Variants in GRIK3 observed in about 807,000 individuals in gnomAD.
GRIK3 encodes the protein glutamate receptor ionotropic, kainate 3.
A neutral mutation model predicts 102.5 loss-of-function variants in GRIK3; 29 were observed. That is an observed-to-expected ratio of 0.28 (90% confidence interval 0.21 to 0.39). The LOEUF (loss-of-function observed/expected upper bound fraction) is 0.39, where lower values mean the gene tolerates loss of function less well. Among genes scored for constraint, GRIK3 ranks in the 10% least tolerant of loss-of-function variants. The probability of loss-of-function intolerance (pLI) is 1.00; values close to 1 mark genes in which losing one functional copy is unlikely to be tolerated. For missense variants in GRIK3, 908 were observed against 1,252.4 expected (o/e 0.73, Z 4.15); for synonymous variants, 511 against 504.9 (o/e 1.01, Z -0.16).
At chr1:36,929,598 A>G (rs1363016920) in intron 1 of GRIK3, among the ~76,000 whole-genome samples, 1 of 152,164 alleles carries the variant, frequency 6.6e-6, no homozygotes, top group Non-Finnish European at 1.5e-5. Context: ...TCTTTATTTC[A>G]GGGATTTTCT....
Position 37,034,199 on chromosome 1 carries a change from G to A in GRIK3, c.-91C>T, listed in dbSNP as rs1642862406. The A allele has an allele frequency of 3.3e-6, 1 of 305,492 alleles. No individual in the cohort carries two copies. The highest frequency in any genetic ancestry group is 5.7e-6 in the Non-Finnish European group (1 of 174,100). 18.9% of individuals were successfully genotyped at this position (305,492 alleles called of 1,614,324 possible). A position where few individuals can be genotyped will look rare whatever the true frequency, so the allele number is the denominator to read the frequency against. On this transcript the variant is annotated 5_prime_UTR_variant, in exon 1 of 16. Transcript: ENST00000373091. ...GCGCGGGCGCGCAGCAGCCCCGAAG[G>A]CGCCGCCTGGCCCAGCCGCCCGGCT...
chr1:36,938,248 G>A (rs1462827347), intron 1 of GRIK3, among the ~76,000 whole-genome samples: 1 of 152,216 alleles, frequency 6.6e-6, no homozygotes, highest in Non-Finnish European at 1.5e-5. Flanking sequence ...TCCACTGCAG[G>A]TGACTCCAAC....
intron 3 of GRIK3, among the ~76,000 whole-genome samples, chr1:36,879,007 G>A (rs955626532): frequency 6.6e-6 from 1 of 152,144 alleles, no homozygotes. Flanking sequence ...AAGGATGAAG[G>A]CAGGGACCAG....
intron 11 of GRIK3, among the ~76,000 whole-genome samples, chr1:36,824,010 C>T (rs1642725687): frequency 6.6e-6 from 1 of 152,176 alleles, no homozygotes; most frequent in South Asian, 2.1e-4. Flanking sequence ...GACAAGTGCA[C>T]TCTGATGCTC....
At chr1:36,988,972 C>T (rs1046989603) in intron 1 of GRIK3, among the ~76,000 whole-genome samples, 5 of 152,060 alleles carry the variant, frequency 3.3e-5, no homozygotes, top group Non-Finnish European at 5.9e-5. Flanking sequence ...GAGGGGGCGG[C>T]GGGGAAAGGA....
intron 9 of GRIK3, 113 bp from the exon 10 acceptor site, chr1:36,842,052 G>T: frequency 1.2e-6 from 1 of 867,100 alleles, no homozygotes; most frequent in Non-Finnish European, 1.9e-6. Flanking sequence ...AAACCCCTTG[G>T]AGTGGCTTAG....
rs113378093 is a variant in GRIK3, at chr1:36,905,580, G to A, written c.116-14484C>T. Among the ~76,000 whole-genome samples, 638 of 151,554 alleles carry A rather than the reference G, an allele frequency of 4.2e-3. 5 individuals are homozygous for A. The highest frequency in any genetic ancestry group is 0.015 in the African/African-American group (616 of 41,378). On this transcript the variant is annotated intron_variant, in intron 1 of 15. Coordinates refer to ENST00000373091, the MANE Select transcript of GRIK3 (RefSeq NM_000831.4). The stretch of plus-strand genomic sequence containing the variant: ...TTTCATCCTCTCCCTGCTCCCCAAT[G>A]CTACAAAATAATATTACAGTATGAT...
intron 1 of GRIK3, among the ~76,000 whole-genome samples, chr1:36,925,460 T>C (rs1641517484): frequency 6.6e-6 from 1 of 152,264 alleles, no homozygotes; most frequent in Non-Finnish European, 1.5e-5. Flanking sequence ...CTGGTTGATG[T>C]TGATAACAGC....
At chr1:36,928,139 G>A (rs1196935870) in intron 1 of GRIK3, among the ~76,000 whole-genome samples, 1 of 152,106 alleles carries the variant, frequency 6.6e-6, no homozygotes, top group Non-Finnish European at 1.5e-5. Flanking sequence ...TCATCTCTGA[G>A]GCTCCTTTGA....
chr1:36,917,291 C>T (rs1285190464), intron 1 of GRIK3, among the ~76,000 whole-genome samples: 1 of 152,160 alleles, frequency 6.6e-6, no homozygotes, highest in Non-Finnish European at 1.5e-5. Flanking sequence ...ATTTTACTGG[C>T]TCATAGGTGG....
At position 36,795,601 on chromosome 1, in the gene GRIK3, T is replaced by C. The variant is rs1482194685; in HGVS notation, c.*6250A>G. 2 of 152,236 alleles carry C rather than the reference T, an allele frequency of 1.3e-5. No homozygotes were observed. The highest frequency in any genetic ancestry group is 1.5e-5 in the Non-Finnish European group (1 of 68,044). 9.4% of individuals were successfully genotyped at this position (152,236 alleles called of 1,614,324 possible). On this transcript the variant is annotated 3_prime_UTR_variant, in exon 16 of 16. Coordinates refer to ENST00000373091, the MANE Select transcript of GRIK3 (RefSeq NM_000831.4). ...ATACAGCAAACTGTGCACTTTGATA[T>C]ATCACAGTGTCTTAAAAAGGAAAAT...
At chr1:36,992,397 A>G (rs1279043343) in intron 1 of GRIK3, among the ~76,000 whole-genome samples, 1 of 152,186 alleles carries the variant, frequency 6.6e-6, no homozygotes, top group Non-Finnish European at 1.5e-5. Flanking sequence ...ACAGGGAGGC[A>G]TGGAATGACT....
intron 1 of GRIK3, among the ~76,000 whole-genome samples, chr1:36,969,588 G>A (rs1023813797): frequency 1.3e-5 from 2 of 152,268 alleles, no homozygotes; most frequent in Non-Finnish European, 2.9e-5. Context: ...GGAGTAGAGA[G>A]AGTAGAGACC....
intron 9 of GRIK3, among the ~76,000 whole-genome samples, chr1:36,848,723 C>T (rs1271581394): frequency 6.6e-6 from 1 of 151,128 alleles, no homozygotes; most frequent in Non-Finnish European, 1.5e-5. Flanking sequence ...CATTAGTCTT[C>T]ACCCTAATCC....
At chr1:36,811,717 G>T (rs545948257) in intron 13 of GRIK3, among the ~76,000 whole-genome samples, 16 of 152,292 alleles carry the variant, frequency 1.1e-4, no homozygotes, top group Non-Finnish European at 2.4e-4. Flanking sequence ...CTGCCTCTTT[G>T]GTTTCTGTTC....
intron 1 of GRIK3, among the ~76,000 whole-genome samples, chr1:36,912,985 C>T (rs981978912): frequency 3.3e-5 from 5 of 152,196 alleles, no homozygotes; most frequent in South Asian, 2.1e-4. Context: ...AGGACACTAG[C>T]TCCTGCTGTT....
In GRIK3 at chr1:36,890,982, G is replaced by A; in HGVS notation, c.230C>T (p.Thr77Ile). 6.2e-7 allele frequency: 1 copy of A among 1,614,038 alleles called. No individual in the cohort carries two copies. The highest frequency in any genetic ancestry group is 8.5e-7 in the Non-Finnish European group (1 of 1,179,928). ...CCTCTGTATGTCATAGGTCAAGGTT[G>A]TGTTGGGCAGCAGAGTCCTGTTCCT... ...INRNRTLLPN[T>I]TLTYDIQRIH... The change falls in exon 2 of 16, where the codon ACA (threonine) becomes ATA (isoleucine). Residue 77 changes from threonine (T) to isoleucine (I), a missense_variant. Thr to Ile is a moderately conservative substitution (Grantham distance 89). Transcript: ENST00000373091.
Position 36,949,574 on chromosome 1 carries a change from C to CTTTTTTTTTTTTT in GRIK3, c.116-58491_116-58479dup, listed in dbSNP as rs60157852. ...TTTTTTTCTTTCTCTCTCTCTCTTT[C>CTTTTTTTTTTTTT]TTTTTTTTTTTTTTTTTTTTTTTGA... On this transcript the variant is annotated intron_variant, in intron 1 of 15. Coordinates refer to ENST00000373091, the MANE Select transcript of GRIK3 (RefSeq NM_000831.4). 3.8e-4 allele frequency among the ~76,000 whole-genome samples: 38 copies of CTTTTTTTTTTTTT among 99,680 alleles called. 1 individual carries two copies. The highest frequency in any genetic ancestry group is 8.6e-4 in the African/African-American group (22 of 25,436). 65.4% of individuals were successfully genotyped at this position (99,680 alleles called of 152,430 possible). A position where few individuals can be genotyped will look rare whatever the true frequency, so the allele number is the denominator to read the frequency against.
At chr1:36,927,868 C>T (rs1018137162) in intron 1 of GRIK3, among the ~76,000 whole-genome samples, 2 of 151,874 alleles carry the variant, frequency 1.3e-5, no homozygotes, top group Admixed American at 6.6e-5. Context: ...AGACCCGGAG[C>T]CCCGGCTTGC....
Sources: allele counts gnomAD v4.1 joint callset (sites outside exome capture counted in the v4.1 genomes callset), GRCh38; gene constraint gnomAD v4.1.1; transcripts MANE v1.5; gene names NCBI Gene and HGNC (gene_info 2026-07-23, HGNC 2026-07-21).